Variants in GRM5 observed in about 807,000 individuals in gnomAD.
The protein encoded by GRM5 is metabotropic glutamate receptor 5.
In GRM5, 19 loss-of-function variants were observed where a neutral mutation model predicts 83.1. The ratio of observed to expected loss-of-function variants is 0.23; its 90% CI spans 0.16 to 0.34. GRM5 has a LOEUF of 0.34. Among genes scored for constraint, GRM5 ranks in the 10% least tolerant of loss-of-function variants. The probability of loss-of-function intolerance (pLI) is 1.00; values close to 1 mark genes in which losing one functional copy is unlikely to be tolerated. For missense variants in GRM5, 1,160 were observed against 1,588.3 expected, an observed-to-expected ratio of 0.73 and a Z score of 4.58; for synonymous variants, 675 against 633.6, an observed-to-expected ratio of 1.07 and a Z score of -0.98.
intron 4 of GRM5, among the ~76,000 whole-genome samples, chr11:88,645,082 C>T (rs1362518505): frequency 6.6e-6 from 1 of 152,096 alleles, no homozygotes; most frequent in East Asian, 1.9e-4. Flanking sequence ...CAATAAATGA[C>T]ATTGCTACAA....
intron 4 of GRM5, among the ~76,000 whole-genome samples, chr11:88,641,397 T>C (rs560130761): frequency 1.3e-5 from 2 of 151,978 alleles, no homozygotes; most frequent in South Asian, 4.2e-4. Context: ...TATATTATGC[T>C]GCCCCTGGCC....
At chr11:88,994,509 T>A (rs1488813643) in intron 2 of GRM5, among the ~76,000 whole-genome samples, 2 of 138,858 alleles carry the variant, frequency 1.4e-5, no homozygotes, top group Non-Finnish European at 3.1e-5. Context: ...AAAGTATTGA[T>A]ATGACAATAA....
At chr11:88,824,178 G>GA (rs561649305) in intron 3 of GRM5, among the ~76,000 whole-genome samples, 8 of 151,086 alleles carry the variant, frequency 5.3e-5, no homozygotes, top group African/African-American at 1.2e-4. Flanking sequence ...GAAGCATTAA[G>GA]AAAAAAAAAC....
At position 88,509,094 on chromosome 11, in the gene GRM5, G is replaced by A. The variant is rs200883011; in HGVS notation, c.3137C>T (p.Pro1046Leu). Reference protein sequence around the residue: ...DDDVPSLHSEPVARSSSSQGS... With the variant: ...DDDVPSLHSELVARSSSSQGS... ...CTGCGAGGAGCTGCTGCGCGCCACA[G>A]GCTCCGAGTGCAGCGACGGCACATC... The change falls in exon 10 of 10, where the codon CCT becomes CTT. Residue 1046 changes from proline to leucine, a missense_variant. Pro to Leu is a moderately conservative substitution (Grantham distance 98). This residue lies in a region of GRM5 where 562 missense variants were observed against 532.4 expected (regional missense o/e 1.06). Transcript: ENST00000305447. 1 of 1,548,874 alleles carries A rather than the reference G, an allele frequency of 6.5e-7. No homozygotes were observed. The highest frequency in any genetic ancestry group is 8.7e-7 in the Non-Finnish European group (1 of 1,146,760).
chr11:88,508,455 T>C lies in GRM5; in HGVS notation c.*137A>G, dbSNP rs1941240268. 1.7e-6 allele frequency: 1 copy of C among 595,724 alleles called. No homozygotes were observed. Among genetic ancestry groups the C allele is most frequent in the Non-Finnish European group, 2.8e-6 (1 of 351,082 alleles). The allele number at this position is 595,724 out of a possible 1,614,324, so 36.9% of individuals were successfully genotyped here. On this transcript the variant is annotated 3_prime_UTR_variant, in exon 10 of 10. Coordinates refer to ENST00000305447, the MANE Select transcript of GRM5 (RefSeq NM_001143831.3). This position sits in a 1 kb window ranked among gnomAD's most constrained non-coding sequence, Gnocchi z 4.2. ...GGTTGTCATGAGATAGCACTACTGA[T>C]CTCGTGTTTCCATTAAGGGGTGCCC...
chr11:88,961,552 C>T (rs1938784764), intron 2 of GRM5, among the ~76,000 whole-genome samples: 1 of 152,028 alleles, frequency 6.6e-6, no homozygotes, highest in Non-Finnish European at 1.5e-5. Context: ...ATCCATTTTT[C>T]CTTTGAGATC....
chr11:88,865,605 G>A (rs913783113), intron 2 of GRM5, among the ~76,000 whole-genome samples: 6 of 151,854 alleles, frequency 4.0e-5, no homozygotes, highest in Non-Finnish European at 8.8e-5. Flanking sequence ...AAAGAAATTA[G>A]CATCAGAGTG....
intron 2 of GRM5, among the ~76,000 whole-genome samples, chr11:89,007,493 G>A (rs755837120): frequency 7.2e-5 from 11 of 152,152 alleles, no homozygotes; most frequent in Non-Finnish European, 1.2e-4. Flanking sequence ...TCATTCTGCT[G>A]CTATTTTATG....
intron 8 of GRM5, among the ~76,000 whole-genome samples, chr11:88,559,956 C>A (rs1270262943): frequency 6.6e-6 from 1 of 152,066 alleles, no homozygotes; most frequent in Non-Finnish European, 1.5e-5. Context: ...GGCTTTCCAG[C>A]AGAATTGGTA....
At chr11:88,965,647 G>GTATA (rs34139759) in intron 2 of GRM5, among the ~76,000 whole-genome samples, 1 of 151,838 alleles carries the variant, frequency 6.6e-6, no homozygotes, top group Non-Finnish European at 1.5e-5. Context: ...TCAGAACCAG[G>GTATA]TATATATCAT....
chr11:88,744,836 C>G (rs1477856456), intron 3 of GRM5, among the ~76,000 whole-genome samples: 1 of 152,032 alleles, frequency 6.6e-6, no homozygotes, highest in Non-Finnish European at 1.5e-5. Context: ...AAAGTGAAAA[C>G]ATTTGGCAAA....
intron 3 of GRM5, among the ~76,000 whole-genome samples, chr11:88,835,074 G>A (rs1944068742): frequency 6.6e-6 from 1 of 151,970 alleles, no homozygotes; most frequent in South Asian, 2.1e-4. Flanking sequence ...ACACTTTCAA[G>A]GAGCTTATAT....
chr11:88,577,835 G>A (rs1943144830), intron 7 of GRM5, among the ~76,000 whole-genome samples: 1 of 152,096 alleles, frequency 6.6e-6, no homozygotes, highest in Non-Finnish European at 1.5e-5. Context: ...GAATTACAAT[G>A]TCTTTGGGAA....
intron 2 of GRM5, among the ~76,000 whole-genome samples, chr11:88,974,290 T>C (rs1243369156): frequency 6.6e-6 from 1 of 152,014 alleles, no homozygotes; most frequent in Non-Finnish European, 1.5e-5. Flanking sequence ...CTTCCCAGCT[T>C]CTGGAGTAGA....
rs761407732 is a variant in GRM5, at chr11:88,508,685, C to T, written c.3546G>A (p.Ser1182=). The stretch of plus-strand genomic sequence containing the variant: ...TACAGAGGGCCGACTCGGACACTGG[C>T]GAGTTGGGGGTTGTGCTCCCCGAGT... ...SVDSGSTTPN[S]PVSESALCIP... is the part of the protein sequence containing the mutation. The change falls in exon 10 of 10, where the codon TCG becomes TCA. Residue 1182 remains serine (S), a synonymous_variant. Transcript: ENST00000305447. This position sits in a 1 kb window ranked among gnomAD's most constrained non-coding sequence, Gnocchi z 4.2. 1 of 1,607,088 alleles carries T rather than the reference C, an allele frequency of 6.2e-7. No individual in the cohort carries two copies. Among genetic ancestry groups the T allele is most frequent in the Non-Finnish European group, 8.5e-7 (1 of 1,176,906 alleles).
chr11:89,014,691 G>A (rs545668210), intron 2 of GRM5, among the ~76,000 whole-genome samples: 1 of 152,094 alleles, frequency 6.6e-6, no homozygotes, highest in South Asian at 2.1e-4. Context: ...TGGATTGTTT[G>A]TAACTCAAAG....
chr11:88,841,674 C>T (rs1033359507), intron 3 of GRM5, among the ~76,000 whole-genome samples: 1 of 152,170 alleles, frequency 6.6e-6, no homozygotes, highest in Non-Finnish European at 1.5e-5. Flanking sequence ...CAGCTGCAGA[C>T]CGGAATCCAC....
At chr11:88,642,295 C>T (rs1469931363) in intron 4 of GRM5, among the ~76,000 whole-genome samples, 3 of 152,148 alleles carry the variant, frequency 2.0e-5, no homozygotes, top group Non-Finnish European at 4.4e-5. Flanking sequence ...CAAAGGGCAG[C>T]AGGGTCCTGG....
chr11:88,742,065 A>G (rs1166214672), intron 3 of GRM5, among the ~76,000 whole-genome samples: 1 of 152,120 alleles, frequency 6.6e-6, no homozygotes, highest in Non-Finnish European at 1.5e-5. Flanking sequence ...AGGCTGTGCC[A>G]CAGATATTTA....
Sources: gnomAD v4.1 joint callset for allele counts (sites outside exome capture counted in the v4.1 genomes callset) on GRCh38, gnomAD v4.1.1 for gene constraint, gnomAD v4.1.1 regional missense constraint, Gnocchi (gnomAD v3.1) non-coding constraint, MANE v1.5 for transcripts, NCBI Gene and HGNC (gene_info 2026-07-23, HGNC 2026-07-21) for gene names.